Variants in HSPA2 observed in about 807,000 individuals in gnomAD.
HSPA2 encodes the protein heat shock protein family A (Hsp70) member 2.
Under a neutral mutation model 35.0 loss-of-function variants are expected in HSPA2, and 13 were observed. The ratio of observed to expected loss-of-function variants is 0.37; its 90% CI spans 0.24 to 0.59. The LOEUF is 0.59. Ranked by LOEUF, HSPA2 falls within the 20% of genes least tolerant of loss-of-function variation. HSPA2 has a pLI of 0.70. For missense variants in HSPA2, 565 were observed against 885.4 expected, an observed-to-expected ratio of 0.64 and a Z score of 4.59; for synonymous variants, 368 against 382.1, an observed-to-expected ratio of 0.96 and a Z score of 0.43.
At chr14:64,538,957 C>T (rs1364378480), upstream of HSPA2, among the ~76,000 whole-genome samples, 1 of 152,214 alleles carries the variant, frequency 6.6e-6, no homozygotes, top group African/African-American at 2.4e-5. Context: ...AGGCGCGCGC[C>T]ACCACGCCCG....
rs201638634 is a variant in HSPA2 at position 64,541,806 on chromosome 14, G to A, written c.957G>A (p.Pro319=). The A allele has an allele frequency of 1.1e-5, 18 of 1,613,556 alleles. No individual in the cohort carries two copies. Among genetic ancestry groups the A allele is most frequent in the Admixed American group, 1.7e-5 (1 of 60,028 alleles). ...NADLFRGTLE[P]VEKALRDAKL... is the part of the protein sequence containing the mutation. ...ACCTCTTTCGCGGGACCCTGGAGCC[G>A]GTGGAGAAGGCGCTGCGCGACGCCA... Residue 319 remains proline (P), a synonymous_variant, in exon 1 of 1, where the codon CCG becomes CCA. Coordinates refer to ENST00000247207, the MANE Select transcript of HSPA2 (RefSeq NM_021979.4).
upstream of HSPA2, among the ~76,000 whole-genome samples, chr14:64,538,837 C>T (rs1596711855): frequency 6.6e-6 from 1 of 152,182 alleles, no homozygotes; most frequent in Non-Finnish European, 1.5e-5. Flanking sequence ...CTCCTGGAGA[C>T]CATTTATTTT....
Position 64,541,614 on chromosome 14 carries a change from C to A in HSPA2, c.765C>A (p.Asp255Glu), listed in dbSNP as rs1431319643. 1 of 1,611,658 alleles carries A rather than the reference C, an allele frequency of 6.2e-7. No individual in the cohort carries two copies. The highest frequency in any genetic ancestry group is 1.1e-5 in the South Asian group (1 of 91,084). ...AEEFKRKHKK[D>E]IGPNKRAVRR... The stretch of plus-strand genomic sequence containing the variant: ...AGTTCAAGCGCAAGCACAAGAAGGA[C>A]ATTGGGCCCAACAAGCGCGCCGTGA... Residue 255 changes from aspartate (D) to glutamate (E), a missense_variant, in exon 1 of 1, where the codon GAC (aspartate) becomes GAA (glutamate). Physicochemically the swap from Asp to Glu is conservative, Grantham distance 45 (BLOSUM62 2). Coordinates refer to ENST00000247207, the MANE Select transcript of HSPA2 (RefSeq NM_021979.4).
chr14:64,540,184 G>A (rs1358838306), upstream of HSPA2: 2 of 153,142 alleles, frequency 1.3e-5, no homozygotes, highest in African/African-American at 4.8e-5. Flanking sequence ...AGCTGCTCGA[G>A]CTTTATTTCT....
At chr14:64,539,995 A>C (rs979339427), upstream of HSPA2, among the ~76,000 whole-genome samples, 12 of 152,178 alleles carry the variant, frequency 7.9e-5, no homozygotes, top group African/African-American at 2.9e-4. Flanking sequence ...AGGCAGTTTT[A>C]ATCGAGCGCT....
chr14:64,541,771 C>T lies in HSPA2; in HGVS notation c.922C>T (p.Leu308Phe). The T allele has an allele frequency of 6.2e-7, 1 of 1,613,224 alleles. No individual in the cohort carries two copies. The highest frequency in any genetic ancestry group is 8.5e-7 in the Non-Finnish European group (1 of 1,179,958). The change falls in exon 1 of 1, where the codon CTC becomes TTC. Residue 308 changes from leucine to phenylalanine, a missense_variant. Around this residue, in one of 4 missense-constraint regions of HSPA2, gnomAD observed 234 missense variants for 419.0 expected, o/e 0.56. Transcript: ENST00000247207. ...CATCACGCGCGCCCGCTTCGAGGAG[C>T]TCAATGCCGACCTCTTTCGCGGGAC... ...TSITRARFEELNADLFRGTLE... is the reference protein window; with the variant it reads ...TSITRARFEEFNADLFRGTLE...
chr14:64,540,607 C>T, upstream of HSPA2: 3 of 597,698 alleles, frequency 5.0e-6, no homozygotes, highest in South Asian at 2.1e-5. Flanking sequence ...TCTGTTGGGT[C>T]ACGGGCCAGT....
Position 64,542,297 on chromosome 14 carries a change from T to C in HSPA2, c.1448T>C (p.Ile483Thr), listed in dbSNP as rs756852956. Residue 483 changes from isoleucine to threonine, a missense_variant, in exon 1 of 1, where the codon ATT becomes ACT. By Grantham distance (89) the Ile-to-Thr change is moderately conservative. Coordinates refer to ENST00000247207, the MANE Select transcript of HSPA2 (RefSeq NM_021979.4). The surrounding 1 kb of genome is among the most constrained non-coding windows in gnomAD (Gnocchi z 5.7). The part of the protein sequence containing the change: ...GVPQIEVTFD[I>T]DANGILNVTA... ...CCCCAAATCGAGGTTACCTTCGACATTGACGCCAATGGCATCCTTAACGTT... is the reference window on the plus strand; with the variant it reads ...CCCCAAATCGAGGTTACCTTCGACACTGACGCCAATGGCATCCTTAACGTT... 1 of 1,614,006 alleles carries C rather than the reference T, an allele frequency of 6.2e-7. No individual in the cohort carries two copies. The highest frequency in any genetic ancestry group is 1.1e-5 in the South Asian group (1 of 91,078).
upstream of HSPA2, among the ~76,000 whole-genome samples, chr14:64,539,174 G>A (rs2080003445): frequency 6.6e-6 from 1 of 152,018 alleles, no homozygotes; most frequent in Admixed American, 6.6e-5. Context: ...TTCCAGACCT[G>A]TCCTCACATT....
rs373282372 is a variant in HSPA2, at chr14:64,542,776, A to G, written c.*7A>G. The G allele has an allele frequency of 6.3e-7, 1 of 1,593,192 alleles. No individual in the cohort carries two copies. The highest frequency in any genetic ancestry group is 8.5e-7 in the Non-Finnish European group (1 of 1,170,164). Reference sequence around the variant, plus strand: ...CATCGAAGAAGTGGACTAAGCTTGCACTCAAGTCAGCGTAAACCTCTTTGC... The same window carrying G: ...CATCGAAGAAGTGGACTAAGCTTGCGCTCAAGTCAGCGTAAACCTCTTTGC... On this transcript the variant is annotated 3_prime_UTR_variant, in exon 1 of 1. Transcript: ENST00000247207. The surrounding 1 kb of genome is among the most constrained non-coding windows in gnomAD (Gnocchi z 5.7).
rs1229728740 is a variant in HSPA2 at position 64,541,431 on chromosome 14, C to T, written c.582C>T (p.Gly194=). The part of the protein sequence containing the change: ...YGLDKKGCAG[G]EKNVLIFDLG... ...TGGACAAGAAGGGCTGCGCGGGCGG[C>T]GAGAAGAACGTGCTCATCTTTGACC... Residue 194 remains glycine (G), a synonymous_variant, in exon 1 of 1, where the codon GGC becomes GGT. Coordinates refer to ENST00000247207, the MANE Select transcript of HSPA2 (RefSeq NM_021979.4). 6.2e-7 allele frequency: 1 copy of T among 1,613,846 alleles called. No homozygotes were observed.
At chr14:64,538,426 G>T (rs528546975), upstream of HSPA2, among the ~76,000 whole-genome samples, 2 of 152,198 alleles carry the variant, frequency 1.3e-5, no homozygotes, top group Admixed American at 6.5e-5. Flanking sequence ...TTGCTTGCCT[G>T]TATCCCTCCC....
rs754388376 is a variant in HSPA2 at position 64,542,713 on chromosome 14, A to AGCGGCG, written c.1872_1877dup (p.Gly625_Gly626dup). On this transcript the variant is annotated inframe_insertion, in exon 1 of 1. Transcript: ENST00000247207. This position sits in a 1 kb window ranked among gnomAD's most constrained non-coding sequence, Gnocchi z 5.7. The stretch of plus-strand genomic sequence containing the variant: ...TTACCAAGGTGGTCCTGGCGGCGGC[A>AGCGGCG]GCGGCGGCGGCGGTTCAGGAGCCTC... 1.2e-6 allele frequency: 2 copies of AGCGGCG among 1,613,708 alleles called. No individual in the cohort carries two copies. The highest frequency in any genetic ancestry group is 1.7e-6 in the Non-Finnish European group (2 of 1,179,892).
chr14:64,538,179 C>T (rs1460733912), upstream of HSPA2, among the ~76,000 whole-genome samples: 1 of 152,198 alleles, frequency 6.6e-6, no homozygotes, highest in Non-Finnish European at 1.5e-5. Context: ...ATATACACCA[C>T]TAGATAAAAT....
Position 64,540,806 on chromosome 14 carries a change from C to A in HSPA2, c.-44C>A. 6.2e-7 allele frequency: 1 copy of A among 1,603,788 alleles called. No individual in the cohort carries two copies. Among genetic ancestry groups the A allele is most frequent in the East Asian group, 2.2e-5 (1 of 44,802 alleles). On this transcript the variant is annotated 5_prime_UTR_variant, in exon 1 of 1. Transcript: ENST00000247207. ...CGTTAGTTGACTCCGCGGAGTTCAT[C>A]TCCCTGGTTTTCCCGTCCTAACGTC...
At chr14:64,540,558 T>G (rs1040456188), upstream of HSPA2, 4 of 467,900 alleles carry the variant, frequency 8.5e-6, no homozygotes, top group Non-Finnish European at 1.5e-5. Context: ...CTCTGTCTCC[T>G]GGCGGGGGCC....
chr14:64,535,957 T>A (rs1596710614), upstream of HSPA2: 1 of 153,388 alleles, frequency 6.5e-6, no homozygotes, highest in African/African-American at 2.4e-5. Context: ...TTGTGAGGCC[T>A]CCCCAGCCAT....
Position 64,541,805 on chromosome 14 carries a change from C to G in HSPA2, c.956C>G (p.Pro319Arg), listed in dbSNP as rs931174625. The part of the protein sequence containing the change: ...NADLFRGTLE[P>R]VEKALRDAKL... The stretch of plus-strand genomic sequence containing the variant: ...GACCTCTTTCGCGGGACCCTGGAGC[C>G]GGTGGAGAAGGCGCTGCGCGACGCC... The change falls in exon 1 of 1, where the codon CCG (proline) becomes CGG (arginine). Residue 319 changes from proline (P) to arginine (R), a missense_variant. Physicochemically the swap from Pro to Arg is moderately radical, Grantham distance 103. This residue lies in a region of HSPA2 where 234 missense variants were observed against 419.0 expected (regional missense o/e 0.56). Coordinates refer to ENST00000247207, the MANE Select transcript of HSPA2 (RefSeq NM_021979.4). 7 of 1,613,572 alleles carry G rather than the reference C, an allele frequency of 4.3e-6. No homozygotes were observed. Among genetic ancestry groups the G allele is most frequent in the Non-Finnish European group, 5.9e-6 (7 of 1,180,040 alleles).
In HSPA2 at chr14:64,540,927, G is replaced by A. The variant is rs778225955; in HGVS notation, c.78G>A (p.Lys26=). The A allele has an allele frequency of 7.4e-6, 12 of 1,614,192 alleles. No homozygotes were observed. Among genetic ancestry groups the A allele is most frequent in the Admixed American group, 3.3e-5 (2 of 60,030 alleles). Residue 26 remains lysine (K), a synonymous_variant, in exon 1 of 1, where the codon AAG becomes AAA. Transcript: ENST00000247207. Reference sequence around the variant, plus strand: ...GCGTCGGGGTCTTCCAACATGGCAAGGTGGAGATCATCGCCAACGACCAGG... The same window carrying A: ...GCGTCGGGGTCTTCCAACATGGCAAAGTGGAGATCATCGCCAACGACCAGG... ...YSCVGVFQHG[K]VEIIANDQGN...
Sources: allele counts gnomAD v4.1 joint callset (sites outside exome capture counted in the v4.1 genomes callset), GRCh38; gene constraint gnomAD v4.1.1; regional missense constraint gnomAD v4.1.1; non-coding constraint Gnocchi (gnomAD v3.1); transcripts MANE v1.5; gene names NCBI Gene and HGNC (gene_info 2026-07-23, HGNC 2026-07-21).